SEMA3D: variants seen among roughly 807,000 people sequenced by gnomAD.
The protein encoded by SEMA3D is semaphorin 3D, also known as semaphorin-3D.
Under a neutral mutation model 100.1 loss-of-function variants are expected in SEMA3D, and 84 were observed. The observed-to-expected ratio is 0.84, with a 90% CI of 0.70 to 1.01. SEMA3D has a LOEUF of 1.01. Ranked by LOEUF, SEMA3D falls within the 50% of genes least tolerant of loss-of-function variation. The pLI is 0.00. For missense variants in SEMA3D, 875 were observed against 934.1 expected, an observed-to-expected ratio of 0.94 and a Z score of 0.82; for synonymous variants, 312 against 320.7, an observed-to-expected ratio of 0.97 and a Z score of 0.29.
At chr7:85,073,773 C>G (rs184334208) in intron 5 of SEMA3D, among the ~76,000 whole-genome samples, 1 of 152,248 alleles carries the variant, frequency 6.6e-6, no homozygotes, top group Admixed American at 6.5e-5. Flanking sequence ...TGTTACAGAG[C>G]CTCTAAGAAT....
intron 9 of SEMA3D, among the ~76,000 whole-genome samples, chr7:85,051,972 G>A (rs922567661): frequency 2.6e-5 from 4 of 151,852 alleles, no homozygotes; most frequent in East Asian, 3.9e-4. Flanking sequence ...TCTACATGGC[G>A]ATTGTATTGG....
chr7:85,180,832 C>A (rs893586892), intron 1 of SEMA3D, among the ~76,000 whole-genome samples: 5 of 152,150 alleles, frequency 3.3e-5, no homozygotes, highest in African/African-American at 1.2e-4. Flanking sequence ...CATGCTGTAA[C>A]AGTTTCTCAG....
intron 17 of SEMA3D, 120 bp downstream of exon 17, chr7:85,012,662 G>C (rs1176148114): frequency 1.4e-6 from 1 of 692,158 alleles, no homozygotes; most frequent in Non-Finnish European, 2.5e-6. Flanking sequence ...CAGAACACAT[G>C]CATTACACAA....
chr7:85,058,853 T>A (rs901421829), intron 8 of SEMA3D, among the ~76,000 whole-genome samples: 1 of 151,650 alleles, frequency 6.6e-6, no homozygotes, highest in African/African-American at 2.4e-5. Flanking sequence ...ATGTATTTCA[T>A]TACTATTATA....
intron 7 of SEMA3D, among the ~76,000 whole-genome samples, chr7:85,066,913 C>CACACACACACACACACAGAG: frequency 8.6e-5 from 11 of 127,760 alleles, no homozygotes; most frequent in African/African-American, 3.5e-4. Context: ...CACACACACA[C>CACACACACACACACACAGAG]AGAGAGAGAG....
the SEMA3D span, among the ~76,000 whole-genome samples, chr7:85,203,222 C>A: frequency 6.6e-6 from 1 of 152,106 alleles, no homozygotes; most frequent in Non-Finnish European, 1.5e-5. Flanking sequence ...GTGTGGTAGT[C>A]AGCAAGTTAG....
intron 4 of SEMA3D, among the ~76,000 whole-genome samples, chr7:85,090,766 G>A (rs1788362908): frequency 1.3e-5 from 2 of 152,068 alleles, no homozygotes; most frequent in Admixed American, 6.6e-5. Context: ...AGCAAGTGTA[G>A]AGTCCTCATG....
Position 85,068,283 on chromosome 7 carries a change from T to C in SEMA3D, c.497A>G (p.Asp166Gly), listed in dbSNP as rs752416186. 2.0e-6 allele frequency: 3 copies of C among 1,533,924 alleles called. No homozygotes were observed. Among genetic ancestry groups the C allele is most frequent in the South Asian group, 2.2e-5 (2 of 89,292 alleles). Reference protein sequence around the residue: ...GYIDLGVYKEDIIFKLDTHNL... With the variant: ...GYIDLGVYKEGIIFKLDTHNL... Reference sequence around the variant, plus strand: ...ATGTGTGTCTAGTTTGAATATAATATCCTGTTATGAGAAATATTAACACTA... The same window carrying C: ...ATGTGTGTCTAGTTTGAATATAATACCCTGTTATGAGAAATATTAACACTA... Residue 166 changes from aspartate to glycine, a missense_variant and splice_region_variant, in exon 7 of 19, where the codon GAT becomes GGT. Asp to Gly is a moderately conservative substitution (Grantham distance 94). Coordinates refer to ENST00000284136, the MANE Select transcript of SEMA3D (RefSeq NM_001384900.1).
intron 16 of SEMA3D, among the ~76,000 whole-genome samples, chr7:85,013,635 T>G (rs1426629808): frequency 6.6e-6 from 1 of 151,764 alleles, no homozygotes; most frequent in Non-Finnish European, 1.5e-5. Flanking sequence ...TTCTGTGATA[T>G]CTATAGTGTT....
rs142595815 is a variant in SEMA3D at position 85,135,135 on chromosome 7, C to T, written c.-40-13204G>A. On this transcript the variant is annotated intron_variant, in intron 2 of 18. Coordinates refer to ENST00000284136, the MANE Select transcript of SEMA3D (RefSeq NM_001384900.1). ...ATTATGAATTCCAGTTTTACCATTT[C>T]CAGGATAAGATTTTCTTTGAAATTT... is the stretch of plus-strand genomic sequence containing the variant. 5.9e-3 allele frequency among the ~76,000 whole-genome samples: 895 copies of T among 151,518 alleles called. 5 individuals carry two copies. The highest frequency in any genetic ancestry group is 6.8e-3 in the Middle Eastern group (2 of 294).
intron 5 of SEMA3D, among the ~76,000 whole-genome samples, chr7:85,077,428 C>A (rs1399181595): frequency 6.6e-6 from 1 of 151,616 alleles, no homozygotes; most frequent in Non-Finnish European, 1.5e-5. Context: ...ATATGTCTAC[C>A]TATACGTGTG....
chr7:85,139,772 T>C (rs1379598628), intron 2 of SEMA3D, among the ~76,000 whole-genome samples: 2 of 152,056 alleles, frequency 1.3e-5, no homozygotes, highest in Non-Finnish European at 2.9e-5. Context: ...AAAATAACCA[T>C]TTTAAAACTT....
At position 85,160,013 on chromosome 7, in the gene SEMA3D, T is replaced by C. The variant is rs543625836; in HGVS notation, c.-172-6274A>G. The C allele has an allele frequency of 4.1e-6, 4 of 972,466 alleles. No individual in the cohort carries two copies. The African/African-American group carries it at 5.2e-5, about 13-fold the overall frequency. 60.2% of individuals were successfully genotyped at this position (972,466 alleles called of 1,614,324 possible). The stretch of plus-strand genomic sequence containing the variant: ...ATCTACCACATCTCTCCATGAACTA[T>C]ATCATTTGTGGATTAAAAACTGAAC... On this transcript the variant is annotated intron_variant, in intron 1 of 18. Coordinates refer to ENST00000284136, the MANE Select transcript of SEMA3D (RefSeq NM_001384900.1).
the SEMA3D span, among the ~76,000 whole-genome samples, chr7:85,194,837 T>C: frequency 1.3e-5 from 2 of 151,518 alleles, no homozygotes; most frequent in African/African-American, 4.9e-5. Context: ...CCATCTTTTC[T>C]GGTGTTTTTC....
chr7:85,243,642 A>G, the SEMA3D span, among the ~76,000 whole-genome samples: 2 of 152,186 alleles, frequency 1.3e-5, no homozygotes, highest in Non-Finnish European at 2.9e-5. Flanking sequence ...TAAGCCCCTT[A>G]TCTGCTGGAC....
At chr7:85,024,798 A>C (rs73394641) in intron 12 of SEMA3D, among the ~76,000 whole-genome samples, 3,913 of 152,080 alleles carry the variant, frequency 0.026, 174 homozygotes, top group African/African-American at 0.089. Flanking sequence ...AGGATAGTAC[A>C]GTTTGAATCA....
intron 1 of SEMA3D, among the ~76,000 whole-genome samples, chr7:85,170,954 C>G (rs1194153900): frequency 6.6e-6 from 1 of 152,158 alleles, no homozygotes; most frequent in East Asian, 1.9e-4. Flanking sequence ...TATTTACTCT[C>G]TTTAAAACTC....
rs916672228 is a variant in SEMA3D at position 85,097,910 on chromosome 7, A to T, written c.207T>A (p.Asp69Glu). ...CCTCATCTAAGAGAAGAGTTTGAAA[A>T]TCCAGTCCTTCTGATGAACCCAAAA... ...IPFLGSSEGL[D>E]FQTLLLDEER... is the part of the protein sequence containing the mutation. Residue 69 changes from aspartate (D) to glutamate (E), a missense_variant, in exon 4 of 19, where the codon GAT (aspartate) becomes GAA (glutamate). Physicochemically the swap from Asp to Glu is conservative, Grantham distance 45. Transcript: ENST00000284136. The T allele has an allele frequency of 1.2e-6, 2 of 1,609,606 alleles. No individual in the cohort carries two copies. The highest frequency in any genetic ancestry group is 1.7e-6 in the Non-Finnish European group (2 of 1,177,110).
chr7:85,025,763 T>G (rs192540579), intron 12 of SEMA3D, among the ~76,000 whole-genome samples: 14 of 152,128 alleles, frequency 9.2e-5, no homozygotes, highest in Admixed American at 3.9e-4. Context: ...TACCCCTGCT[T>G]ATTCATCGAA....
Sources: allele counts gnomAD v4.1 joint callset (sites outside exome capture counted in the v4.1 genomes callset), GRCh38; gene constraint gnomAD v4.1.1; transcripts MANE v1.5; gene names NCBI Gene and HGNC (gene_info 2026-07-23, HGNC 2026-07-21).